The following SLC23A2 variants were observed in gnomAD, a reference collection of about 807,000 sequenced individuals.
SLC23A2 encodes the protein Na(+)/L-ascorbic acid transporter 2.
Under a neutral mutation model 73.3 loss-of-function variants are expected in SLC23A2, and 36 were observed. The ratio of observed to expected loss-of-function variants is 0.49; its 90% CI spans 0.38 to 0.65. The LOEUF (loss-of-function observed/expected upper bound fraction) is 0.65, where lower values mean the gene tolerates loss of function less well. SLC23A2 is among the 30% of genes least tolerant of loss of function. The pLI is 0.00. For synonymous variants in SLC23A2, 343 were observed against 327.3 expected (o/e 1.05, Z -0.52); for missense variants, 507 against 841.6 (o/e 0.60, Z 4.92).
At chr20:4,953,447 G>A (rs964038394) in intron 2 of SLC23A2, among the ~76,000 whole-genome samples, 2 of 151,978 alleles carry the variant, frequency 1.3e-5, no homozygotes, top group Admixed American at 6.6e-5. Context: ...AGAATCATAG[G>A]CCTTAACTAT....
At chr20:4,884,283 T>C (rs942818052) in intron 8 of SLC23A2, among the ~76,000 whole-genome samples, 4 of 152,264 alleles carry the variant, frequency 2.6e-5, no homozygotes, top group African/African-American at 9.6e-5. Flanking sequence ...TCTGAACTGA[T>C]GGTGAATTAT....
rs561830637 is a variant in SLC23A2 at position 5,009,314 on chromosome 20, C to T, written c.-282+868G>A. Among the ~76,000 whole-genome samples, 5 of 152,158 alleles carry T rather than the reference C, an allele frequency of 3.3e-5. 1 individual carries two copies. Among genetic ancestry groups the T allele is most frequent in the South Asian group, 4.1e-4 (2 of 4,826 alleles). On this transcript the variant is annotated intron_variant, in intron 1 of 16. Coordinates refer to the SLC23A2 transcript ENST00000379333. ...CATTTCTGTTGTCCCTGCAAAAGCTCCTCAAGGCCATCACATTTCTACTGC... is the reference window on the plus strand; with the variant it reads ...CATTTCTGTTGTCCCTGCAAAAGCTTCTCAAGGCCATCACATTTCTACTGC...
intron 4 of SLC23A2, among the ~76,000 whole-genome samples, chr20:4,904,465 C>A (rs866782108): frequency 0.025 from 3,696 of 149,748 alleles, 48 homozygotes; most frequent in Middle Eastern, 0.045. Context: ...AAAAAACAAA[C>A]AAAAAAAAAA....
rs746024369 is a variant in SLC23A2, at chr20:4,902,017, T to G, written c.324+425A>C. ...CTGTGATGTCAACAATTCCCATTCATCATTTGTTTTTTGAGACAGGGTCTC... is the reference window on the plus strand; with the variant it reads ...CTGTGATGTCAACAATTCCCATTCAGCATTTGTTTTTTGAGACAGGGTCTC... On this transcript the variant is annotated intron_variant, in intron 5 of 16. Coordinates refer to ENST00000338244, the MANE Select transcript of SLC23A2 (RefSeq NM_005116.6). This position sits in a 1 kb window ranked among gnomAD's most constrained non-coding sequence, Gnocchi z 4.0. Among the ~76,000 whole-genome samples the G allele has an allele frequency of 1.3e-5, 2 of 152,200 alleles. No homozygotes were observed. Among genetic ancestry groups the G allele is most frequent in the Non-Finnish European group, 2.9e-5 (2 of 68,034 alleles).
intron 3 of SLC23A2, among the ~76,000 whole-genome samples, chr20:4,931,527 C>A (rs189627623): frequency 6.6e-6 from 1 of 152,024 alleles, no homozygotes; most frequent in Non-Finnish European, 1.5e-5. Flanking sequence ...GAGGCTGAGG[C>A]GAGAGCATCA....
intron 3 of SLC23A2, among the ~76,000 whole-genome samples, chr20:4,916,111 G>A (rs910392351): frequency 3.9e-5 from 6 of 152,110 alleles, no homozygotes; most frequent in African/African-American, 1.4e-4. Flanking sequence ...CAAGCCAACT[G>A]AGTTTGTGGA....
chr20:4,995,759 G>T (rs1223175213), intron 1 of SLC23A2, among the ~76,000 whole-genome samples: 1 of 152,142 alleles, frequency 6.6e-6, no homozygotes, highest in Admixed American at 6.6e-5. Flanking sequence ...TAGGCAAGAA[G>T]CTGCCCTCCT....
intron 2 of SLC23A2, among the ~76,000 whole-genome samples, chr20:4,942,793 G>T (rs922181496): frequency 6.6e-6 from 1 of 152,150 alleles, no homozygotes; most frequent in African/African-American, 2.4e-5. Flanking sequence ...TTTCTCGAAA[G>T]AACCACCAAA....
intron 6 of SLC23A2, among the ~76,000 whole-genome samples, chr20:4,886,691 C>T (rs1326513374): frequency 1.3e-5 from 2 of 152,164 alleles, no homozygotes; most frequent in African/African-American, 2.4e-5. Flanking sequence ...AGCATTTCAG[C>T]TAAGTCACAT....
At chr20:5,002,889 A>C (rs1343063795), upstream of SLC23A2, among the ~76,000 whole-genome samples, 1 of 152,134 alleles carries the variant, frequency 6.6e-6, no homozygotes, top group East Asian at 1.9e-4. Flanking sequence ...CACCAGGTCC[A>C]GCTAAGCTTG....
chr20:4,881,956 T>C (rs1189949207), intron 9 of SLC23A2, among the ~76,000 whole-genome samples: 1 of 152,236 alleles, frequency 6.6e-6, no homozygotes, highest in African/African-American at 2.4e-5. Flanking sequence ...TTTACTGTAC[T>C]ATACCTACAA....
intron 2 of SLC23A2, among the ~76,000 whole-genome samples, chr20:4,969,386 G>A (rs115228621): frequency 0.02 from 3,069 of 152,162 alleles, 104 homozygotes; most frequent in South Asian, 0.14. Context: ...ACTACACCCA[G>A]CCTTTATTAG....
chr20:4,993,886 A>G (rs988911532), intron 1 of SLC23A2, among the ~76,000 whole-genome samples: 2 of 152,068 alleles, frequency 1.3e-5, no homozygotes, highest in Non-Finnish European at 1.5e-5. Flanking sequence ...CCAACACAGG[A>G]GACCCCCATC....
rs191677713 is a variant in SLC23A2, at chr20:4,856,501, G to A, written c.*471C>T. 1.4e-4 allele frequency: 22 copies of A among 156,720 alleles called. No homozygotes were observed. Among genetic ancestry groups the A allele is most frequent in the Admixed American group, 1.3e-3 (20 of 15,966 alleles). The allele number at this position is 156,720 out of a possible 1,614,324, so 9.7% of individuals were successfully genotyped here. A position where few individuals can be genotyped will look rare whatever the true frequency, so the allele number is the denominator to read the frequency against. ...TACTGGGCCAGTCAGTCATGATAGC[G>A]CAAGGCATACTAGTGCCCCTTGGTC... On this transcript the variant is annotated 3_prime_UTR_variant, in exon 17 of 17. Coordinates refer to ENST00000338244, the MANE Select transcript of SLC23A2 (RefSeq NM_005116.6). This position sits in a 1 kb window ranked among gnomAD's most constrained non-coding sequence, Gnocchi z 4.6.
At chr20:4,880,643 A>G (rs1005829367) in intron 9 of SLC23A2, among the ~76,000 whole-genome samples, 4 of 152,120 alleles carry the variant, frequency 2.6e-5, no homozygotes, top group Non-Finnish European at 5.9e-5. Context: ...GGAAGAGTCC[A>G]GGAGGCTTCA....
intron 9 of SLC23A2, among the ~76,000 whole-genome samples, chr20:4,877,292 A>G (rs950517529): frequency 1.3e-5 from 2 of 152,200 alleles, no homozygotes; most frequent in Non-Finnish European, 2.9e-5. Flanking sequence ...GTTGAGGTAT[A>G]TATTTCAGCA....
intron 2 of SLC23A2, among the ~76,000 whole-genome samples, chr20:4,933,991 T>TA (rs374006139): frequency 4.0e-5 from 6 of 151,868 alleles, no homozygotes; most frequent in African/African-American, 1.5e-4. Context: ...TGTAAAGAAA[T>TA]AAAAAAGAGA....
intron 2 of SLC23A2, among the ~76,000 whole-genome samples, chr20:4,936,465 T>C (rs1234132713): frequency 6.6e-6 from 1 of 151,972 alleles, no homozygotes; most frequent in Non-Finnish European, 1.5e-5. Flanking sequence ...GGACTTTTTT[T>C]CTTAAAGAGA....
chr20:4,887,171 G>A (rs1931135676), intron 6 of SLC23A2, among the ~76,000 whole-genome samples: 1 of 152,210 alleles, frequency 6.6e-6, no homozygotes, highest in African/African-American at 2.4e-5. Flanking sequence ...CCACAGGCAT[G>A]CCCTTCAACA....
Sources: allele counts gnomAD v4.1 joint callset (sites outside exome capture counted in the v4.1 genomes callset), GRCh38; gene constraint gnomAD v4.1.1; non-coding constraint Gnocchi (gnomAD v3.1); transcripts MANE v1.5; gene names NCBI Gene and HGNC (gene_info 2026-07-23, HGNC 2026-07-21).